Variants in SOX5 observed in about 807,000 individuals in gnomAD.
The protein encoded by SOX5 is SRY-box transcription factor 5.
Under a neutral mutation model 92.0 loss-of-function variants are expected in SOX5, and 9 were observed. The observed-to-expected ratio is 0.10, with a 90% CI of 0.06 to 0.17. The LOEUF is 0.17. SOX5 is among the 10% of genes least tolerant of loss of function. SOX5 has a pLI of 1.00. For missense variants in SOX5, 642 were observed against 944.5 expected (o/e 0.68, Z 4.20); for synonymous variants, 344 against 336.3 (o/e 1.02, Z -0.25).
At chr12:24,482,447 C>CG (rs1455323014) in intron 1 of SOX5, among the ~76,000 whole-genome samples, 3 of 152,128 alleles carry the variant, frequency 2.0e-5, no homozygotes, top group Non-Finnish European at 4.4e-5. Context: ...CCAGAAATGG[C>CG]GTTTTCCCCA....
chr12:23,700,946 A>C (rs2090544430), intron 6 of SOX5, among the ~76,000 whole-genome samples: 1 of 151,502 alleles, frequency 6.6e-6, no homozygotes, highest in Non-Finnish European at 1.5e-5. Context: ...TACATGTATA[A>C]ATATATATGT....
At chr12:23,557,555 G>T (rs1191731052) in intron 11 of SOX5, among the ~76,000 whole-genome samples, 3 of 152,194 alleles carry the variant, frequency 2.0e-5, no homozygotes, top group Admixed American at 1.3e-4. Context: ...ACAGAAGTTG[G>T]TCTTAACATG....
At chr12:23,832,189 C>A (rs924271552) in intron 3 of SOX5, among the ~76,000 whole-genome samples, 12 of 151,850 alleles carry the variant, frequency 7.9e-5, no homozygotes, top group Non-Finnish European at 1.6e-4. Flanking sequence ...AACTGCCCCT[C>A]CTGGTTTCAC....
rs143478848 is a variant in SOX5, at chr12:23,938,849, T to G, written c.38+10715A>C. ...AAAACAATTATATTAACTACAAAAC[T>G]AAAATATAAGTAAACCAATTTCTTA... On this transcript the variant is annotated intron_variant, in intron 1 of 14. Coordinates refer to ENST00000451604, the MANE Select transcript of SOX5 (RefSeq NM_006940.6). Among the ~76,000 whole-genome samples the G allele has an allele frequency of 5.4e-4, 82 of 151,134 alleles. 1 individual carries two copies. The East Asian group carries it at 0.016, about 29-fold the overall frequency.
At chr12:24,549,173 C>A (rs561904590) in intron 1 of SOX5, among the ~76,000 whole-genome samples, 244 of 152,326 alleles carry the variant, frequency 1.6e-3, no homozygotes, top group African/African-American at 5.7e-3. Context: ...AACTGCTCCT[C>A]CCTCAAATAC....
chr12:23,554,864 T>C (rs186528852), intron 11 of SOX5, among the ~76,000 whole-genome samples: 6 of 152,074 alleles, frequency 3.9e-5, no homozygotes. Context: ...ATATAGAGAG[T>C]AACTGCAAAA....
chr12:24,408,404 C>G (rs1963425776), intron 1 of SOX5, among the ~76,000 whole-genome samples: 1 of 152,118 alleles, frequency 6.6e-6, no homozygotes, highest in South Asian at 2.1e-4. Context: ...CCCAGTTTCC[C>G]TCATCGGTAA....
chr12:23,988,539 G>T (rs947599514), intron 4 of SOX5, among the ~76,000 whole-genome samples: 9 of 152,132 alleles, frequency 5.9e-5, no homozygotes, highest in African/African-American at 1.7e-4. Context: ...GAGTGATGTG[G>T]GAGAGAGGAA....
At chr12:24,523,940 A>G (rs1030049976) in intron 1 of SOX5, among the ~76,000 whole-genome samples, 2 of 152,266 alleles carry the variant, frequency 1.3e-5, no homozygotes, top group Admixed American at 6.5e-5. Context: ...ACAATCAAAG[A>G]GTGAAAAGGC....
intron 3 of SOX5, among the ~76,000 whole-genome samples, chr12:24,269,653 C>G (rs1943441198): frequency 6.6e-6 from 1 of 151,004 alleles, no homozygotes; most frequent in Non-Finnish European, 1.5e-5. Context: ...CCTTTCTATG[C>G]CTACTATCCT....
chr12:24,084,765 G>A (rs954221982), intron 4 of SOX5, among the ~76,000 whole-genome samples: 1 of 151,880 alleles, frequency 6.6e-6, no homozygotes, highest in Non-Finnish European at 1.5e-5. Context: ...AAACCCAAAA[G>A]GCATAAACTG....
At chr12:24,206,953 C>T (rs754586282) in intron 4 of SOX5, among the ~76,000 whole-genome samples, 1 of 152,208 alleles carries the variant, frequency 6.6e-6, no homozygotes, top group Non-Finnish European at 1.5e-5. Flanking sequence ...ACACCTGTGT[C>T]AGCTCCTATT....
At chr12:24,234,128 A>C (rs952568143) in intron 3 of SOX5, among the ~76,000 whole-genome samples, 1 of 152,214 alleles carries the variant, frequency 6.6e-6, no homozygotes, top group African/African-American at 2.4e-5. Context: ...GGGAAAAGAA[A>C]GATAATTTTA....
intron 1 of SOX5, among the ~76,000 whole-genome samples, chr12:24,398,642 T>C (rs1960687183): frequency 6.6e-6 from 1 of 152,052 alleles, no homozygotes; most frequent in African/African-American, 2.4e-5. Flanking sequence ...AAGAAATCTA[T>C]CAAAAAAGAA....
At chr12:24,183,161 C>T (rs1022050997) in intron 4 of SOX5, among the ~76,000 whole-genome samples, 1 of 152,130 alleles carries the variant, frequency 6.6e-6, no homozygotes, top group East Asian at 1.9e-4. Context: ...TATTAGTATG[C>T]GTTTTCTAGA....
At chr12:24,465,595 A>G (rs770184436) in intron 1 of SOX5, among the ~76,000 whole-genome samples, 1 of 152,234 alleles carries the variant, frequency 6.6e-6, no homozygotes, top group Non-Finnish European at 1.5e-5. Flanking sequence ...TAACGGACAC[A>G]TATGAGACCT....
intron 3 of SOX5, among the ~76,000 whole-genome samples, chr12:23,756,614 G>A (rs763774613): frequency 1.9e-4 from 29 of 151,978 alleles, no homozygotes; most frequent in Middle Eastern, 3.4e-3. Flanking sequence ...CGTGATTAGC[G>A]CAGCATTCAC....
intron 4 of SOX5, among the ~76,000 whole-genome samples, chr12:23,987,904 AC>A (rs894886891): frequency 3.3e-5 from 5 of 152,330 alleles, no homozygotes; most frequent in African/African-American, 1.2e-4. Flanking sequence ...ATTATGAAAA[AC>A]ATCATAGCTG....
chr12:23,689,112 A>G (rs540701224), intron 6 of SOX5, among the ~76,000 whole-genome samples: 27 of 152,232 alleles, frequency 1.8e-4, no homozygotes, highest in African/African-American at 5.3e-4. Context: ...CTAAGTCAAT[A>G]TCAATTTTTT....
Sources: allele counts gnomAD v4.1 joint callset (sites outside exome capture counted in the v4.1 genomes callset), GRCh38; gene constraint gnomAD v4.1.1; transcripts MANE v1.5; gene names NCBI Gene and HGNC (gene_info 2026-07-23, HGNC 2026-07-21).